Variants in UBIAD1 observed in about 807,000 individuals in gnomAD.
The protein encoded by UBIAD1 is ubiA prenyltransferase domain-containing protein 1.
Under a neutral mutation model 20.1 loss-of-function variants are expected in UBIAD1, and 12 were observed. That is an observed-to-expected ratio of 0.60 (90% CI 0.38 to 0.97). UBIAD1 has a LOEUF of 0.97. Ranked by LOEUF, UBIAD1 falls within the 50% of genes least tolerant of loss-of-function variation. The pLI is 0.00. For synonymous variants in UBIAD1, 207 were observed against 189.2 expected (o/e 1.09, Z -0.77); for missense variants, 333 against 419.5 (o/e 0.79, Z 1.80).
chr1:11,275,455 A>T (rs1003845083), intron 1 of UBIAD1, among the ~76,000 whole-genome samples: 31 of 152,072 alleles, frequency 2.0e-4, no homozygotes, highest in African/African-American at 7.5e-4. Context: ...AAAAGGTAAC[A>T]TTTGGCTGAG....
At chr1:11,288,911 C>T (rs576335091), downstream of UBIAD1, among the ~76,000 whole-genome samples, 6 of 138,044 alleles carry the variant, frequency 4.3e-5, no homozygotes, top group African/African-American at 1.6e-4. Context: ...GACACTGTCT[C>T]AAAAAAAAAA....
At chr1:11,295,226 G>C (rs542441603), downstream of UBIAD1, 48 of 360,602 alleles carry the variant, frequency 1.3e-4, no homozygotes, top group African/African-American at 9.6e-4. Context: ...ACAATGAGCG[G>C]CGATCAAGGT....
At chr1:11,283,829 A>T (rs1652322424) in intron 1 of UBIAD1, among the ~76,000 whole-genome samples, 1 of 152,218 alleles carries the variant, frequency 6.6e-6, no homozygotes, top group Admixed American at 6.5e-5. Context: ...TCTTGAGTCC[A>T]CATCTTGTAG....
intron 1 of UBIAD1, among the ~76,000 whole-genome samples, chr1:11,283,542 A>G (rs1325903641): frequency 6.6e-6 from 1 of 152,004 alleles, no homozygotes; most frequent in Non-Finnish European, 1.5e-5. Flanking sequence ...AAATAGAAGG[A>G]AAAAAAATAT....
At chr1:11,296,594 C>T (rs1392668161), downstream of UBIAD1, among the ~76,000 whole-genome samples, 2 of 152,154 alleles carry the variant, frequency 1.3e-5, no homozygotes, top group African/African-American at 4.8e-5. Context: ...TCATGGCTTA[C>T]TGCAGCCTCA....
In UBIAD1 at chr1:11,285,992, CCTT is replaced by C; in HGVS notation, c.881_883del (p.Phe294del). ...CTCCCCCTGCTTACCATTCCCATGG[CCTT>C]CTCCCTTGAGAGACAGTTTCGAAGC... On this transcript the variant is annotated inframe_deletion, in exon 2 of 2. Coordinates refer to ENST00000376810, the MANE Select transcript of UBIAD1 (RefSeq NM_013319.3). The surrounding 1 kb of genome is among the most constrained non-coding windows in gnomAD (Gnocchi z 4.4). The C allele has an allele frequency of 1.9e-6, 3 of 1,614,226 alleles. No individual in the cohort carries two copies. The Middle Eastern group carries it at 4.9e-4, about 266-fold the overall frequency.
intron 1 of UBIAD1, among the ~76,000 whole-genome samples, chr1:11,283,459 A>G (rs1652311484): frequency 6.6e-6 from 1 of 151,954 alleles, no homozygotes; most frequent in Non-Finnish European, 1.5e-5. Context: ...GCTTGAGGGA[A>G]CTTCCTCCTG....
intron 1 of UBIAD1, among the ~76,000 whole-genome samples, chr1:11,277,482 G>T (rs1487384295): frequency 6.6e-6 from 1 of 151,860 alleles, no homozygotes; most frequent in Non-Finnish European, 1.5e-5. Context: ...ATGTTGGCCA[G>T]GCTGGTCTCT....
chr1:11,291,650 A>T (rs1325077074), downstream of UBIAD1, among the ~76,000 whole-genome samples: 1 of 152,018 alleles, frequency 6.6e-6, no homozygotes, highest in African/African-American at 2.4e-5. Flanking sequence ...ATGAAAAGAC[A>T]ATTACAGGAG....
chr1:11,276,984 C>T (rs1652056427), intron 1 of UBIAD1, among the ~76,000 whole-genome samples: 1 of 152,066 alleles, frequency 6.6e-6, no homozygotes, highest in African/African-American at 2.4e-5. Flanking sequence ...TACCCATAAT[C>T]CCAACACTTT....
rs1346886273 is a variant in UBIAD1 at position 11,287,221 on chromosome 1, CAG to C, written c.*1093_*1094del. The C allele has an allele frequency of 6.6e-6, 1 of 152,270 alleles. No homozygotes were observed. The highest frequency in any genetic ancestry group is 1.9e-4 in the East Asian group (1 of 5,204). 9.4% of individuals were successfully genotyped at this position (152,270 alleles called of 1,614,324 possible). A position where few individuals can be genotyped will look rare whatever the true frequency, so the allele number is the denominator to read the frequency against. On this transcript the variant is annotated 3_prime_UTR_variant, in exon 2 of 2. Transcript: ENST00000376810. ...CAAACAGTCTTGAGCTCTGTTCAGC[CAG>C]AGTGATGGGCCCTGCCAGTTAAGGG...
At chr1:11,292,636 A>AT (rs1176412338), downstream of UBIAD1, among the ~76,000 whole-genome samples, 4 of 150,456 alleles carry the variant, frequency 2.7e-5, no homozygotes, top group Non-Finnish European at 4.4e-5. Flanking sequence ...AACAGCTGTG[A>AT]TTGATATTCT....
intron 1 of UBIAD1, among the ~76,000 whole-genome samples, chr1:11,275,003 A>C (rs1281140737): frequency 6.6e-6 from 1 of 152,208 alleles, no homozygotes; most frequent in Non-Finnish European, 1.5e-5. Flanking sequence ...GAAGAGTTCA[A>C]AATGATATAG....
intron 1 of UBIAD1, among the ~76,000 whole-genome samples, chr1:11,283,803 G>A (rs969371714): frequency 6.6e-6 from 1 of 152,148 alleles, no homozygotes; most frequent in African/African-American, 2.4e-5. Flanking sequence ...TGCCTAACCA[G>A]AGCTTTATTT....
chr1:11,298,029 C>T (rs960731330), downstream of UBIAD1, among the ~76,000 whole-genome samples: 43 of 151,740 alleles, frequency 2.8e-4, no homozygotes, highest in African/African-American at 9.9e-4. This position sits in a 1 kb window ranked among gnomAD's most constrained non-coding sequence, Gnocchi z 4.0. Flanking sequence ...GGCACGATCT[C>T]GGCTCACTGC....
chr1:11,276,932 C>T (rs1652054557), intron 1 of UBIAD1, among the ~76,000 whole-genome samples: 1 of 152,020 alleles, frequency 6.6e-6, no homozygotes, highest in African/African-American at 2.4e-5. Flanking sequence ...GCACCCACAC[C>T]ACTTCAAAAA....
intron 1 of UBIAD1, 107 bp downstream of exon 1, chr1:11,274,167 G>T: frequency 7.2e-7 from 1 of 1,385,548 alleles, no homozygotes; most frequent in Non-Finnish European, 1.0e-6. Flanking sequence ...TCTAATTTAA[G>T]CCGCTTTAAT....
chr1:11,285,524 A>G lies in UBIAD1; in HGVS notation c.530-120A>G. 1 of 1,478,046 alleles carries G rather than the reference A, an allele frequency of 6.8e-7. No homozygotes were observed. The highest frequency in any genetic ancestry group is 9.3e-7 in the Non-Finnish European group (1 of 1,077,290). 91.6% of individuals were successfully genotyped at this position (1,478,046 alleles called of 1,614,324 possible). Reference sequence around the variant, plus strand: ...GGGTTAAGGGATGAAATGAGTGCCCACCTGCACAGTCTAAGGATTTACCAT... The same window carrying G: ...GGGTTAAGGGATGAAATGAGTGCCCGCCTGCACAGTCTAAGGATTTACCAT... On this transcript the variant is annotated intron_variant, in intron 1 of 1. Coordinates refer to ENST00000376810, the MANE Select transcript of UBIAD1 (RefSeq NM_013319.3). The surrounding 1 kb of genome is among the most constrained non-coding windows in gnomAD (Gnocchi z 4.4).
chr1:11,276,857 C>A (rs1447389836), intron 1 of UBIAD1, among the ~76,000 whole-genome samples: 1 of 151,990 alleles, frequency 6.6e-6, no homozygotes, highest in Non-Finnish European at 1.5e-5. Flanking sequence ...TCCCCCCCAA[C>A]ATTTTTTATT....
Sources: allele counts gnomAD v4.1 joint callset (sites outside exome capture counted in the v4.1 genomes callset), GRCh38; gene constraint gnomAD v4.1.1; non-coding constraint Gnocchi (gnomAD v3.1); transcripts MANE v1.5; gene names NCBI Gene and HGNC (gene_info 2026-07-23, HGNC 2026-07-21).